PTPRJ: variants seen among roughly 807,000 people sequenced by gnomAD.
The protein encoded by PTPRJ is protein tyrosine phosphatase receptor type J.
A neutral mutation model predicts 141.3 loss-of-function variants in PTPRJ; 129 were observed. The ratio of observed to expected loss-of-function variants is 0.91; its 90% CI spans 0.79 to 1.06. PTPRJ has a LOEUF of 1.06. Among genes scored for constraint, PTPRJ ranks in the 50% least tolerant of loss-of-function variants. The probability of loss-of-function intolerance (pLI) is 0.00; values close to 1 mark genes in which losing one functional copy is unlikely to be tolerated. For synonymous variants in PTPRJ, 610 were observed against 640.5 expected, an observed-to-expected ratio of 0.95 and a Z score of 0.72; for missense variants, 1,601 against 1,679.7, an observed-to-expected ratio of 0.95 and a Z score of 0.82.
intron 1 of PTPRJ, among the ~76,000 whole-genome samples, chr11:48,067,400 C>T (rs1855115929): frequency 6.6e-6 from 1 of 152,172 alleles, no homozygotes; most frequent in Admixed American, 6.5e-5. Flanking sequence ...CCTCGGAGGT[C>T]CCCTGGTAGG....
At position 48,144,811 on chromosome 11, in the gene PTPRJ, T is replaced by C. The variant is rs894905467; in HGVS notation, c.2712T>C (p.Tyr904=). Residue 904 remains tyrosine (Y), a synonymous_variant, in exon 13 of 25, where the codon TAT becomes TAC. Coordinates refer to ENST00000418331, the MANE Select transcript of PTPRJ (RefSeq NM_002843.4). Reference sequence around the variant, plus strand: ...AGAGCTTGTCTGAAGTTTTGAAATATGAAATTGACGTTGGGAATGAGTCAA... The same window carrying C: ...AGAGCTTGTCTGAAGTTTTGAAATACGAAATTGACGTTGGGAATGAGTCAA... ...RSQSLSEVLK[Y]EIDVGNESTT... is the part of the protein sequence containing the mutation. 6.2e-7 allele frequency: 1 copy of C among 1,614,172 alleles called. No homozygotes were observed. The highest frequency in any genetic ancestry group is 1.3e-5 in the African/African-American group (1 of 75,046).
chr11:48,150,204 T>C, intron 18 of PTPRJ, 21 bp downstream of exon 18: 1 of 1,602,614 alleles, frequency 6.2e-7, no homozygotes, highest in Non-Finnish European at 8.5e-7. Flanking sequence ...GTAAATACTG[T>C]TTTTAATTGT....
chr11:48,059,053 T>C (rs2134257624), intron 1 of PTPRJ, among the ~76,000 whole-genome samples: 1 of 150,198 alleles, frequency 6.7e-6, no homozygotes, highest in East Asian at 2.0e-4. Flanking sequence ...CCTGATCAGC[T>C]GTTTTATAAT....
At chr11:48,091,040 G>A (rs901938282) in intron 1 of PTPRJ, among the ~76,000 whole-genome samples, 7 of 152,196 alleles carry the variant, frequency 4.6e-5, no homozygotes, top group African/African-American at 1.7e-4. Context: ...GCATTTACCT[G>A]TTTGCCTAGG....
At chr11:48,061,178 G>A (rs1340639104) in intron 1 of PTPRJ, among the ~76,000 whole-genome samples, 1 of 152,104 alleles carries the variant, frequency 6.6e-6, no homozygotes, top group Non-Finnish European at 1.5e-5. Context: ...ATTTCACTAT[G>A]TTGGCCAGTC....
intron 1 of PTPRJ, among the ~76,000 whole-genome samples, chr11:48,048,265 C>T (rs1854461561): frequency 6.6e-6 from 1 of 152,160 alleles, no homozygotes; most frequent in African/African-American, 2.4e-5. Flanking sequence ...CCAAGCAGCT[C>T]TGCTCAGTTG....
At position 48,150,090 on chromosome 11, in the gene PTPRJ, T is replaced by G. The variant is rs772311302; in HGVS notation, c.3051-6T>G. ...TAAAAAATCCTGATAAGTTTTGTTT[T>G]CTTAGATCTAAGTTAATCAGAGTGG... On this transcript the variant is annotated splice_region_variant and splice_polypyrimidine_tract_variant and intron_variant, in intron 17 of 24. Coordinates refer to ENST00000418331, the MANE Select transcript of PTPRJ (RefSeq NM_002843.4). The G allele has an allele frequency of 3.7e-5, 59 of 1,611,812 alleles. 1 individual carries two copies. The South Asian group carries it at 6.1e-4, about 17-fold the overall frequency.
chr11:48,144,962 G>C, intron 13 of PTPRJ, 38 bp from the exon 14 acceptor site: 1 of 1,614,136 alleles, frequency 6.2e-7, no homozygotes, highest in Non-Finnish European at 8.5e-7. Flanking sequence ...GGTCAGACAC[G>C]TCTCAGGGAC....
chr11:48,062,114 G>T (rs1194232565), intron 1 of PTPRJ, among the ~76,000 whole-genome samples: 1 of 151,186 alleles, frequency 6.6e-6, no homozygotes, highest in African/African-American at 2.4e-5. Flanking sequence ...TCCCAGGCTG[G>T]TTTCTAACTC....
At chr11:48,135,221 C>T (rs1264436278) in intron 8 of PTPRJ, among the ~76,000 whole-genome samples, 1 of 133,028 alleles carries the variant, frequency 7.5e-6, no homozygotes. Context: ...GTTGCCCAGG[C>T]TGGAGTGCGA....
At chr11:48,051,900 A>C (rs1854580678) in intron 1 of PTPRJ, among the ~76,000 whole-genome samples, 1 of 152,250 alleles carries the variant, frequency 6.6e-6, no homozygotes, top group Non-Finnish European at 1.5e-5. Flanking sequence ...TTGCATAGGC[A>C]GATGATAGTC....
chr11:48,101,678 C>T (rs151025322), intron 1 of PTPRJ, among the ~76,000 whole-genome samples: 8 of 152,216 alleles, frequency 5.3e-5, no homozygotes, highest in Non-Finnish European at 8.8e-5. Flanking sequence ...GGGAGGATTC[C>T]GTGGGGAGCT....
At chr11:48,121,370 A>T in intron 4 of PTPRJ, 104 bp downstream of exon 4, 1 of 1,277,998 alleles carries the variant, frequency 7.8e-7, no homozygotes, top group South Asian at 1.4e-5. Context: ...AATGGTTTTC[A>T]TAAACTAGAA....
At chr11:48,155,203 C>T (rs552979904) in intron 19 of PTPRJ, among the ~76,000 whole-genome samples, 159 of 152,248 alleles carry the variant, frequency 1.0e-3, no homozygotes, top group African/African-American at 3.7e-3. Flanking sequence ...TCAATTTATA[C>T]TTGAACTTGG....
intron 8 of PTPRJ, chr11:48,131,579 G>A: frequency 1.3e-6 from 1 of 756,148 alleles, no homozygotes; most frequent in Non-Finnish European, 2.5e-6. Flanking sequence ...TGGCCCCTAT[G>A]CCAAATTTGG....
chr11:48,149,584 C>T, intron 16 of PTPRJ, 96 bp downstream of exon 16: 1 of 845,918 alleles, frequency 1.2e-6, no homozygotes, highest in Non-Finnish European at 1.8e-6. Flanking sequence ...GTCATTTTTC[C>T]TGATTGGCAC....
chr11:48,082,952 G>A (rs745913421), intron 1 of PTPRJ, among the ~76,000 whole-genome samples: 2 of 152,192 alleles, frequency 1.3e-5, no homozygotes, highest in Non-Finnish European at 2.9e-5. Context: ...GTGATAATGT[G>A]TGTAAACAGA....
chr11:47,997,868 C>T (rs1472802427), intron 1 of PTPRJ, among the ~76,000 whole-genome samples: 2 of 151,690 alleles, frequency 1.3e-5, no homozygotes, highest in African/African-American at 4.9e-5. Flanking sequence ...GGGTGTAAAG[C>T]GAGAGAGAGA....
intron 1 of PTPRJ, 141 bp downstream of exon 1, chr11:47,981,149 T>C: frequency 1.1e-6 from 1 of 891,456 alleles, no homozygotes; most frequent in Non-Finnish European, 1.4e-6. Context: ...GAAGGCGACT[T>C]GCGGGGACCC....
Sources: allele counts gnomAD v4.1 joint callset (sites outside exome capture counted in the v4.1 genomes callset), GRCh38; gene constraint gnomAD v4.1.1; transcripts MANE v1.5; gene names NCBI Gene and HGNC (gene_info 2026-07-23, HGNC 2026-07-21).